Variants in PACRGL observed in about 807,000 individuals in gnomAD.
The protein encoded by PACRGL is PACRG-like protein.
A neutral mutation model predicts 34.5 loss-of-function variants in PACRGL; 38 were observed. The observed-to-expected ratio is 1.10, with a 90% CI of 0.85 to 1.44. PACRGL has a LOEUF of 1.44. Ranked by LOEUF, PACRGL falls within the 40% of genes most tolerant of loss-of-function variation. PACRGL has a pLI of 0.00. For synonymous variants in PACRGL, 128 were observed against 100.1 expected, an observed-to-expected ratio of 1.28 and a Z score of -1.66; for missense variants, 305 against 281.4, an observed-to-expected ratio of 1.08 and a Z score of -0.60.
the PACRGL span, among the ~76,000 whole-genome samples, chr4:20,764,975 G>A: frequency 6.6e-6 from 1 of 152,078 alleles, no homozygotes; most frequent in Non-Finnish European, 1.5e-5. Flanking sequence ...CTGAAAGGTG[G>A]GTATTATTTA....
intron 8 of PACRGL, among the ~76,000 whole-genome samples, chr4:20,742,530 AAAACTCTCAAT>A (rs1453575578): frequency 2.0e-5 from 3 of 152,314 alleles, no homozygotes; most frequent in African/African-American, 7.2e-5. Context: ...CTTCATGCTA[AAAACTCTCAAT>A]AAACTAGGTA....
chr4:20,711,130 CT>C (rs1174734220), intron 5 of PACRGL, among the ~76,000 whole-genome samples: 1 of 151,746 alleles, frequency 6.6e-6, no homozygotes, highest in Non-Finnish European at 1.5e-5. Context: ...TTTTTTAAAC[CT>C]TAAGCCTTTT....
upstream of PACRGL, among the ~76,000 whole-genome samples, chr4:20,700,057 C>T (rs1393152737): frequency 6.6e-6 from 1 of 152,160 alleles, no homozygotes; most frequent in Admixed American, 6.5e-5. Context: ...CGGCTCTCAC[C>T]CCTGAAGACT....
At chr4:20,742,333 AC>A (rs1751323335) in intron 8 of PACRGL, among the ~76,000 whole-genome samples, 3 of 152,152 alleles carry the variant, frequency 2.0e-5, no homozygotes, top group Non-Finnish European at 4.4e-5. Flanking sequence ...ATATTAGCAA[AC>A]CGAATCCAGC....
chr4:20,743,717 C>G (rs2149314764), intron 8 of PACRGL, among the ~76,000 whole-genome samples: 1 of 152,184 alleles, frequency 6.6e-6, no homozygotes, highest in South Asian at 2.1e-4. Context: ...TGGGCAAGGA[C>G]TTCATGTCTA....
chr4:20,713,618 C>G (rs1738377654), intron 7 of PACRGL, 79 bp downstream of exon 7: 1 of 1,234,850 alleles, frequency 8.1e-7, no homozygotes, highest in African/African-American at 1.5e-5. Context: ...TTAACAATTT[C>G]AAATCTTCAA....
At chr4:20,747,501 G>C (rs1752626445) in intron 8 of PACRGL, among the ~76,000 whole-genome samples, 1 of 152,100 alleles carries the variant, frequency 6.6e-6, no homozygotes, top group Admixed American at 6.6e-5. Flanking sequence ...GCTGCCATTA[G>C]CAAAAGAAAC....
chr4:20,755,552 CTG>C (rs905151153), downstream of PACRGL, among the ~76,000 whole-genome samples: 24 of 152,290 alleles, frequency 1.6e-4, no homozygotes, highest in East Asian at 3.1e-3. Flanking sequence ...GAGAAATCCT[CTG>C]TTCCCCTGGA....
At position 20,712,789 on chromosome 4, in the gene PACRGL, G is replaced by A. The variant is rs1260969044; in HGVS notation, c.368G>A (p.Gly123Asp). The A allele has an allele frequency of 5.8e-6, 9 of 1,543,288 alleles. No homozygotes were observed. Among genetic ancestry groups the A allele is most frequent in the South Asian group, 1.3e-5 (1 of 79,158 alleles). ...ATGTTTCCTCTTGGTCTTTGTCAGG[G>A]TCTGAGAGAGACTAAGCATCCATAC... ...FDPLLITLAE[G>D]LRETKHPYTF... The change falls in exon 6 of 9, where the codon GGT becomes GAT. Residue 123 changes from glycine (G) to aspartate (D), a missense_variant and splice_region_variant. Gly to Asp is a moderately conservative substitution (Grantham distance 94). Coordinates refer to ENST00000503585, the MANE Select transcript of PACRGL (RefSeq NM_001258345.3).
At chr4:20,746,986 A>G (rs1752543645) in intron 8 of PACRGL, among the ~76,000 whole-genome samples, 1 of 152,216 alleles carries the variant, frequency 6.6e-6, no homozygotes, top group African/African-American at 2.4e-5. Context: ...AAGTAACTGC[A>G]ACAGCCTAGT....
upstream of PACRGL, among the ~76,000 whole-genome samples, chr4:20,698,102 A>G (rs1425152178): frequency 1.3e-5 from 2 of 152,140 alleles, no homozygotes; most frequent in African/African-American, 4.8e-5. Context: ...CTAATCTCCT[A>G]TTAGTGTTCT....
exon 9 of PACRGL, chr4:20,752,765 A>C (rs938734425): frequency 6.6e-6 from 1 of 152,250 alleles, no homozygotes; most frequent in African/African-American, 2.4e-5. Flanking sequence ...GAAAGAAGCA[A>C]AGGCAAAGGA....
chr4:20,761,386 A>G, the PACRGL span, among the ~76,000 whole-genome samples: 1 of 152,232 alleles, frequency 6.6e-6, no homozygotes, highest in Non-Finnish European at 1.5e-5. Context: ...CAAAGGTGGT[A>G]TGTATACAGC....
chr4:20,741,173 G>T (rs958724212), intron 8 of PACRGL, among the ~76,000 whole-genome samples: 6 of 152,156 alleles, frequency 3.9e-5, no homozygotes, highest in Non-Finnish European at 8.8e-5. Context: ...GAGACAGAAA[G>T]TTAACAAGGA....
chr4:20,723,733 A>G (rs1744440910), intron 7 of PACRGL, among the ~76,000 whole-genome samples: 1 of 152,088 alleles, frequency 6.6e-6, no homozygotes, highest in Admixed American at 6.6e-5. Context: ...CTTTTCCTAG[A>G]CAAGGACTGA....
At chr4:20,758,843 G>A in the PACRGL span, 1 of 1,613,204 alleles carries the variant, frequency 6.2e-7, no homozygotes, top group Non-Finnish European at 8.5e-7. Context: ...AGAACTGCGA[G>A]TAAATCTCTT....
chr4:20,715,049 A>C (rs1289636145), intron 7 of PACRGL, among the ~76,000 whole-genome samples: 2 of 152,242 alleles, frequency 1.3e-5, no homozygotes, highest in African/African-American at 4.8e-5. Context: ...GGTAGACTGG[A>C]TTAAGAAAAT....
chr4:20,722,216 C>T (rs1474547237), intron 7 of PACRGL, among the ~76,000 whole-genome samples: 2 of 152,212 alleles, frequency 1.3e-5, no homozygotes, highest in African/African-American at 4.8e-5. Flanking sequence ...TTCCAGGTGC[C>T]ATCTGTCACA....
At chr4:20,763,758 A>C in the PACRGL span, among the ~76,000 whole-genome samples, 1 of 152,180 alleles carries the variant, frequency 6.6e-6, no homozygotes, top group African/African-American at 2.4e-5. Flanking sequence ...ATGGGATCTC[A>C]CTATGTTGCC....
Sources: allele counts gnomAD v4.1 joint callset (sites outside exome capture counted in the v4.1 genomes callset), GRCh38; gene constraint gnomAD v4.1.1; transcripts MANE v1.5; gene names NCBI Gene and HGNC (gene_info 2026-07-23, HGNC 2026-07-21).